The following NEGR1 variants were observed in gnomAD, a reference collection of about 807,000 sequenced individuals.
NEGR1 encodes IgLON family member 4.
In NEGR1, 10 loss-of-function variants were observed where a neutral mutation model predicts 40.9. The observed-to-expected ratio is 0.24, with a 90% CI of 0.15 to 0.42. NEGR1 has a LOEUF of 0.42. Among genes scored for constraint, NEGR1 ranks in the 10% least tolerant of loss-of-function variants. The probability of loss-of-function intolerance (pLI) is 1.00; values close to 1 mark genes in which losing one functional copy is unlikely to be tolerated. For synonymous variants in NEGR1, 185 were observed against 166.8 expected, an observed-to-expected ratio of 1.11 and a Z score of -0.84; for missense variants, 352 against 438.9, an observed-to-expected ratio of 0.80 and a Z score of 1.77.
At chr1:71,573,225 T>C (rs759566629) in intron 6 of NEGR1, among the ~76,000 whole-genome samples, 6 of 151,926 alleles carry the variant, frequency 3.9e-5, no homozygotes, top group Middle Eastern at 3.2e-3. Context: ...CAGAGGAAAA[T>C]TGGGGAGGGA....
chr1:71,765,642 G>A (rs575335651), intron 3 of NEGR1, among the ~76,000 whole-genome samples: 11 of 152,090 alleles, frequency 7.2e-5, no homozygotes, highest in African/African-American at 2.7e-4. Flanking sequence ...TTATGACACT[G>A]AATTGCCTCA....
intron 1 of NEGR1, among the ~76,000 whole-genome samples, chr1:72,238,383 A>T (rs1490011071): frequency 6.6e-6 from 1 of 151,950 alleles, no homozygotes; most frequent in African/African-American, 2.4e-5. Context: ...TGTATTCTGT[A>T]AACTATATAA....
intron 6 of NEGR1, among the ~76,000 whole-genome samples, chr1:71,447,593 A>G (rs1646591765): frequency 6.6e-6 from 1 of 152,102 alleles, no homozygotes; most frequent in Non-Finnish European, 1.5e-5. Context: ...CTTCCTTTAA[A>G]TCTCTATTCA....
chr1:72,132,929 T>G (rs1650312652), intron 1 of NEGR1, among the ~76,000 whole-genome samples: 1 of 152,154 alleles, frequency 6.6e-6, no homozygotes, highest in African/African-American at 2.4e-5. Context: ...AAGTTATTCT[T>G]GAGATGCTAT....
intron 6 of NEGR1, among the ~76,000 whole-genome samples, chr1:71,563,129 G>T (rs184966189): frequency 1.3e-5 from 2 of 152,044 alleles, no homozygotes; most frequent in Admixed American, 6.6e-5. Flanking sequence ...GCATATATTT[G>T]TTTGCTTATA....
intron 6 of NEGR1, among the ~76,000 whole-genome samples, chr1:71,560,436 T>C (rs1000823557): frequency 1.5e-5 from 2 of 135,946 alleles, no homozygotes; most frequent in African/African-American, 2.7e-5. Flanking sequence ...CCATTATATA[T>C]ATATATATAT....
intron 1 of NEGR1, among the ~76,000 whole-genome samples, chr1:72,248,988 T>C (rs1210062259): frequency 1.3e-5 from 2 of 152,210 alleles, no homozygotes; most frequent in African/African-American, 4.8e-5. Context: ...TTTTACATCT[T>C]CAAATTAAAT....
At chr1:72,187,077 T>C (rs1420468720) in intron 1 of NEGR1, among the ~76,000 whole-genome samples, 1 of 151,592 alleles carries the variant, frequency 6.6e-6, no homozygotes, top group African/African-American at 2.4e-5. Context: ...AATCTCAAAA[T>C]GGGCTGATAA....
intron 6 of NEGR1, among the ~76,000 whole-genome samples, chr1:71,467,918 T>A (rs559482360): frequency 1.6e-4 from 25 of 152,136 alleles, no homozygotes; most frequent in African/African-American, 5.8e-4. Context: ...AAATTGTTAT[T>A]ACATTCTAGT....
intron 6 of NEGR1, among the ~76,000 whole-genome samples, chr1:71,467,484 A>T (rs986963745): frequency 1.3e-5 from 2 of 152,058 alleles, no homozygotes; most frequent in South Asian, 2.1e-4. Flanking sequence ...ATACTTTTTT[A>T]AAAAGAGGTT....
chr1:71,595,082 C>A lies in NEGR1; in HGVS notation c.789-2114G>T, dbSNP rs114097759. On this transcript the variant is annotated intron_variant, in intron 5 of 6. Transcript: ENST00000357731. The stretch of plus-strand genomic sequence containing the variant: ...TCTGTCTTTCTGGGTGAATTAGCTT[C>A]CAGTTCCCTGCCCTTAAATGTATCT... 4.6e-3 allele frequency among the ~76,000 whole-genome samples: 701 copies of A among 152,302 alleles called. 4 individuals carry two copies. The highest frequency in any genetic ancestry group is 0.016 in the African/African-American group (665 of 41,572).
At chr1:71,814,696 C>T (rs1658134464) in intron 2 of NEGR1, among the ~76,000 whole-genome samples, 2 of 152,200 alleles carry the variant, frequency 1.3e-5, no homozygotes, top group Admixed American at 1.3e-4. Flanking sequence ...AGTTTATTTG[C>T]ACAGAAGTGT....
At chr1:72,039,221 G>A (rs1051517261) in intron 1 of NEGR1, among the ~76,000 whole-genome samples, 3 of 151,996 alleles carry the variant, frequency 2.0e-5, no homozygotes, top group African/African-American at 7.2e-5. Context: ...TCTATTTGAT[G>A]CTGAAGGAAT....
chr1:72,085,687 C>T (rs764820696), intron 1 of NEGR1, among the ~76,000 whole-genome samples: 35 of 151,956 alleles, frequency 2.3e-4, no homozygotes, highest in Admixed American at 5.2e-4. Context: ...AATGTGATTC[C>T]GGCCAGGCGC....
At chr1:71,626,004 G>C in intron 4 of NEGR1, among the ~76,000 whole-genome samples, 1 of 151,934 alleles carries the variant, frequency 6.6e-6, no homozygotes, top group South Asian at 2.1e-4. Flanking sequence ...ATTGTGAACT[G>C]TACATGTGAG....
At chr1:72,264,969 T>C (rs1235850307) in intron 1 of NEGR1, among the ~76,000 whole-genome samples, 3 of 150,776 alleles carry the variant, frequency 2.0e-5, no homozygotes, top group African/African-American at 7.3e-5. Context: ...TTTATAATTA[T>C]TATAAATTAC....
chr1:71,664,889 G>T (rs1570170544), intron 4 of NEGR1, among the ~76,000 whole-genome samples: 2 of 152,212 alleles, frequency 1.3e-5, no homozygotes, highest in East Asian at 3.9e-4. Flanking sequence ...AGAAATGTAA[G>T]TTTCTGGGGT....
chr1:71,857,457 C>CAAAAAAAAAAAAAA (rs34177437), intron 2 of NEGR1, among the ~76,000 whole-genome samples: 2 of 77,644 alleles, frequency 2.6e-5, no homozygotes, highest in East Asian at 6.7e-4. Context: ...ACAAAAAATA[C>CAAAAAAAAAAAAAA]AAAAAAAAAA....
At chr1:71,783,330 A>T (rs1252420362) in intron 2 of NEGR1, among the ~76,000 whole-genome samples, 2 of 151,964 alleles carry the variant, frequency 1.3e-5, no homozygotes, top group Non-Finnish European at 2.9e-5. Flanking sequence ...TACATAACAA[A>T]CCTCCTGGAA....
Sources: allele counts gnomAD v4.1 joint callset (sites outside exome capture counted in the v4.1 genomes callset), GRCh38; gene constraint gnomAD v4.1.1; transcripts MANE v1.5; gene names NCBI Gene and HGNC (gene_info 2026-07-23, HGNC 2026-07-21).